Variants in CENPP observed in about 807,000 individuals in gnomAD.
The protein encoded by CENPP is centromere protein P.
Under a neutral mutation model 35.6 loss-of-function variants are expected in CENPP, and 24 were observed. That is an observed-to-expected ratio of 0.67 (90% CI 0.49 to 0.95). CENPP has a LOEUF of 0.95. CENPP is among the 40% of genes least tolerant of loss of function. The pLI is 0.00. For missense variants in CENPP, 332 were observed against 345.3 expected, an observed-to-expected ratio of 0.96 and a Z score of 0.31; for synonymous variants, 120 against 125.5, an observed-to-expected ratio of 0.96 and a Z score of 0.29.
chr9:92,608,653 C>T (rs373956777), intron 5 of CENPP, among the ~76,000 whole-genome samples: 63 of 152,264 alleles, frequency 4.1e-4, no homozygotes, highest in African/African-American at 1.4e-3. Context: ...TATCAGTGAC[C>T]GTGACCTTGG....
chr9:92,489,868 C>T (rs1166877624), intron 5 of CENPP, among the ~76,000 whole-genome samples: 1 of 152,216 alleles, frequency 6.6e-6, no homozygotes, highest in African/African-American at 2.4e-5. Context: ...GCTGGACCCC[C>T]ACTGGCCCAC....
At chr9:92,424,650 C>T (rs1241030808) in intron 5 of CENPP, among the ~76,000 whole-genome samples, 1 of 152,170 alleles carries the variant, frequency 6.6e-6, no homozygotes, top group Non-Finnish European at 1.5e-5. Flanking sequence ...TCCAGAGTCT[C>T]AGCAACTTAA....
At chr9:92,366,177 C>CAAAA (rs79052877) in intron 4 of CENPP, among the ~76,000 whole-genome samples, 4 of 52,024 alleles carry the variant, frequency 7.7e-5, no homozygotes, top group Admixed American at 1.9e-4. Context: ...GACTCCGTCT[C>CAAAA]AAAAAAAAAA....
intron 5 of CENPP, chr9:92,404,496 C>T (rs771461826): frequency 1.5e-5 from 19 of 1,285,134 alleles, no homozygotes; most frequent in African/African-American, 3.1e-5. Context: ...GTAAGCCTAC[C>T]GTTGTAGCTG....
At chr9:92,490,716 G>A (rs1034554329) in intron 5 of CENPP, among the ~76,000 whole-genome samples, 2 of 152,202 alleles carry the variant, frequency 1.3e-5, no homozygotes, top group Non-Finnish European at 2.9e-5. Context: ...CTATTATGCA[G>A]AGCAATCAGA....
intron 5 of CENPP, among the ~76,000 whole-genome samples, chr9:92,586,766 G>A (rs2131371899): frequency 1.3e-5 from 2 of 152,138 alleles, no homozygotes; most frequent in Middle Eastern, 6.8e-3. Flanking sequence ...ATGAGATATT[G>A]TAACAAAGAC....
chr9:92,339,309 A>T (rs1841032799), intron 3 of CENPP, among the ~76,000 whole-genome samples: 1 of 152,162 alleles, frequency 6.6e-6, no homozygotes, highest in South Asian at 2.1e-4. Context: ...ATGAGACAGG[A>T]CTTGGTTATG....
At chr9:92,337,099 C>T (rs938034624) in intron 2 of CENPP, among the ~76,000 whole-genome samples, 6 of 152,174 alleles carry the variant, frequency 3.9e-5, no homozygotes, top group African/African-American at 1.4e-4. Context: ...GGGTGGATCA[C>T]CTGAGGTCAG....
chr9:92,560,868 C>CTTTTTTTTT (rs58467942), intron 5 of CENPP, among the ~76,000 whole-genome samples: 1 of 126,152 alleles, frequency 7.9e-6, no homozygotes, highest in Non-Finnish European at 1.7e-5. Flanking sequence ...TTTTTCTTGT[C>CTTTTTTTTT]TTTTTTTTTT....
In CENPP at chr9:92,619,929, C is replaced by CA. The variant is rs1851573967; in HGVS notation, c.*6781dup. 6.7e-6 allele frequency: 2 copies of CA among 299,810 alleles called. No individual in the cohort carries two copies. Among genetic ancestry groups the CA allele is most frequent in the South Asian group, 8.2e-5 (2 of 24,476 alleles). The allele number at this position is 299,810 out of a possible 1,614,324, so 18.6% of individuals were successfully genotyped here. ...CTGAGCCCCGCATGTTGGCCACACTCAGAGTATCAAGTGAGTATCACTCGA... is the reference window on the plus strand; with the variant it reads ...CTGAGCCCCGCATGTTGGCCACACTCAAGAGTATCAAGTGAGTATCACTCGA... On this transcript the variant is annotated 3_prime_UTR_variant, in exon 8 of 8. Transcript: ENST00000375587.
intron 5 of CENPP, among the ~76,000 whole-genome samples, chr9:92,494,651 A>G (rs1846267581): frequency 6.6e-6 from 1 of 152,128 alleles, no homozygotes; most frequent in Non-Finnish European, 1.5e-5. Flanking sequence ...ATTCATGTCT[A>G]TAATCCCAGC....
intron 1 of CENPP, among the ~76,000 whole-genome samples, chr9:92,329,873 G>A (rs1840688030): frequency 6.6e-6 from 1 of 152,158 alleles, no homozygotes; most frequent in African/African-American, 2.4e-5. Flanking sequence ...TATATTTAAT[G>A]TAATTTGTAG....
chr9:92,389,145 C>T (rs1842564309), intron 5 of CENPP, among the ~76,000 whole-genome samples: 1 of 152,078 alleles, frequency 6.6e-6, no homozygotes, highest in South Asian at 2.1e-4. Context: ...GAGATTATGT[C>T]TGTTACCAGC....
chr9:92,490,136 C>T (rs1846143409), intron 5 of CENPP, among the ~76,000 whole-genome samples: 2 of 152,228 alleles, frequency 1.3e-5, no homozygotes, highest in Non-Finnish European at 2.9e-5. Context: ...GTGCCCAGCA[C>T]CTCCACAGGA....
At chr9:92,435,188 C>T (rs1027295834) in intron 5 of CENPP, among the ~76,000 whole-genome samples, 1 of 152,118 alleles carries the variant, frequency 6.6e-6, no homozygotes, top group East Asian at 1.9e-4. Context: ...AGATGTTTGT[C>T]TTTATCACCC....
At chr9:92,344,945 G>C (rs1841241739) in intron 3 of CENPP, among the ~76,000 whole-genome samples, 2 of 151,636 alleles carry the variant, frequency 1.3e-5, no homozygotes, top group Non-Finnish European at 2.9e-5. Flanking sequence ...GAGACGGGGG[G>C]ATCAGGAGGT....
intron 2 of CENPP, among the ~76,000 whole-genome samples, chr9:92,334,052 C>T (rs1368336048): frequency 4.6e-5 from 7 of 151,166 alleles, no homozygotes; most frequent in African/African-American, 1.2e-4. Context: ...CTGTAAGAGT[C>T]GGTTTACAAA....
chr9:92,353,713 A>T (rs1415634546), intron 4 of CENPP, among the ~76,000 whole-genome samples: 1 of 152,172 alleles, frequency 6.6e-6, no homozygotes, highest in Admixed American at 6.5e-5. Context: ...TCCCTCTGGA[A>T]CTAAGACCTC....
At chr9:92,495,636 A>T (rs1398837619) in intron 5 of CENPP, 2 of 934,690 alleles carry the variant, frequency 2.1e-6, no homozygotes, top group Non-Finnish European at 2.6e-6. Flanking sequence ...ATTATAGAAA[A>T]GTTTCAAAAA....
Sources: gnomAD v4.1 joint callset for allele counts (sites outside exome capture counted in the v4.1 genomes callset) on GRCh38, gnomAD v4.1.1 for gene constraint, MANE v1.5 for transcripts, NCBI Gene and HGNC (gene_info 2026-07-23, HGNC 2026-07-21) for gene names.